CSMD3: variants seen among roughly 807,000 people sequenced by gnomAD.
CSMD3 encodes CUB and sushi domain-containing protein 3.
CSMD3 carries 177 observed loss-of-function variants against 435.2 expected under a neutral mutation model. The ratio of observed to expected loss-of-function variants is 0.41; its 90% confidence interval spans 0.36 to 0.46. The LOEUF (loss-of-function observed/expected upper bound fraction) is 0.46. Among genes scored for constraint, CSMD3 ranks in the 20% least tolerant of loss-of-function variants. The probability of loss-of-function intolerance (pLI) is 0.34; values close to 1 mark genes in which losing one functional copy is unlikely to be tolerated. For synonymous variants in CSMD3, 1,656 were observed against 1,520.5 expected (o/e 1.09, Z -2.07); for missense variants, 4,265 against 4,504.6 (o/e 0.95, Z 1.52).
intron 38 of CSMD3, among the ~76,000 whole-genome samples, chr8:112,359,713 G>C (rs1492676): frequency 0.2 from 31,051 of 151,910 alleles, 3,723 homozygotes; most frequent in East Asian, 0.4. Flanking sequence ...CAGGAGTAAA[G>C]TGGTCATTTG....
chr8:113,133,667 T>C (rs995590057), intron 4 of CSMD3, among the ~76,000 whole-genome samples: 5 of 152,050 alleles, frequency 3.3e-5, no homozygotes, highest in East Asian at 3.9e-4. Flanking sequence ...AGCCAAGATA[T>C]GGAAATGACT....
intron 49 of CSMD3, among the ~76,000 whole-genome samples, chr8:112,312,729 A>G (rs1342438453): frequency 6.6e-6 from 1 of 152,224 alleles, no homozygotes; most frequent in Non-Finnish European, 1.5e-5. Context: ...CTATCATCTC[A>G]GAGTTTTAAA....
At chr8:113,222,632 C>T (rs1408549076) in intron 3 of CSMD3, among the ~76,000 whole-genome samples, 1 of 151,002 alleles carries the variant, frequency 6.6e-6, no homozygotes, top group African/African-American at 2.4e-5. Context: ...TATTTTCAGA[C>T]AAATTATGTA....
At position 113,097,501 on chromosome 8, in the gene CSMD3, T is replaced by G. The variant is rs528160577; in HGVS notation, c.917+1255A>C. ...TCCAGGACTTATATGTTGTTAAGTC[T>G]CAGATTCAGTCCCAGTCTTCCTTTG... On this transcript the variant is annotated intron_variant, in intron 5 of 70. Transcript: ENST00000297405. 6.6e-4 allele frequency among the ~76,000 whole-genome samples: 101 copies of G among 152,132 alleles called. 1 individual carries two copies. Among genetic ancestry groups the G allele is most frequent in the African/African-American group, 2.4e-3 (98 of 41,544 alleles).
chr8:112,695,930 C>T (rs1231416452), intron 13 of CSMD3, among the ~76,000 whole-genome samples: 4 of 152,150 alleles, frequency 2.6e-5, no homozygotes, highest in Non-Finnish European at 4.4e-5. Flanking sequence ...CATTCTTATA[C>T]ACCAATAACA....
At chr8:112,420,958 T>C (rs894621956) in intron 32 of CSMD3, among the ~76,000 whole-genome samples, 4 of 152,134 alleles carry the variant, frequency 2.6e-5, no homozygotes, top group Non-Finnish European at 5.9e-5. Flanking sequence ...TGCCATGCCT[T>C]TTCTGCAGGC....
At chr8:112,454,254 G>A (rs1013297227) in intron 32 of CSMD3, among the ~76,000 whole-genome samples, 7 of 151,942 alleles carry the variant, frequency 4.6e-5, no homozygotes, top group Admixed American at 3.9e-4. Context: ...CAAGTAAGAC[G>A]TAATTAAACT....
At chr8:112,898,353 A>G (rs1473182997) in intron 10 of CSMD3, among the ~76,000 whole-genome samples, 1 of 151,136 alleles carries the variant, frequency 6.6e-6, no homozygotes, top group African/African-American at 2.4e-5. Flanking sequence ...GCATTCATAA[A>G]ATTTATCACA....
intron 16 of CSMD3, 89 bp from the exon 17 acceptor site, chr8:112,666,504 C>A (rs1489214032): frequency 2.7e-6 from 3 of 1,110,694 alleles, no homozygotes; most frequent in South Asian, 1.3e-5. Flanking sequence ...AAAAACAAGT[C>A]TCTGCATATC....
intron 5 of CSMD3, among the ~76,000 whole-genome samples, chr8:113,084,289 C>A (rs1319315414): frequency 2.0e-5 from 3 of 151,938 alleles, no homozygotes; most frequent in Non-Finnish European, 4.4e-5. Context: ...CAAAAATCAG[C>A]AGTATTTCTA....
At chr8:113,395,239 T>C (rs187273757) in intron 1 of CSMD3, among the ~76,000 whole-genome samples, 1 of 152,266 alleles carries the variant, frequency 6.6e-6, no homozygotes, top group African/African-American at 2.4e-5. Flanking sequence ...AATGAAACAG[T>C]AATGCTTCCA....
intron 16 of CSMD3, among the ~76,000 whole-genome samples, chr8:112,675,247 C>T (rs1267117955): frequency 6.6e-6 from 1 of 152,056 alleles, no homozygotes; most frequent in Non-Finnish European, 1.5e-5. Context: ...AAAATCATTT[C>T]GAGTATCCAC....
At chr8:112,420,691 A>AGCT (rs1285358548) in intron 32 of CSMD3, among the ~76,000 whole-genome samples, 3 of 152,176 alleles carry the variant, frequency 2.0e-5, no homozygotes, top group Non-Finnish European at 4.4e-5. Context: ...ACTGGCATCT[A>AGCT]GCTGTTGGTG....
intron 11 of CSMD3, among the ~76,000 whole-genome samples, chr8:112,836,646 T>C (rs2080033106): frequency 6.6e-6 from 1 of 151,854 alleles, no homozygotes; most frequent in Non-Finnish European, 1.5e-5. Flanking sequence ...CATCTCACAA[T>C]ACGTAGTTTG....
chr8:112,651,936 T>G (rs1035355511), intron 18 of CSMD3, among the ~76,000 whole-genome samples: 44 of 152,158 alleles, frequency 2.9e-4, no homozygotes, highest in African/African-American at 1.0e-3. Flanking sequence ...CATCATGTCA[T>G]GTATTATTTC....
At chr8:112,270,430 T>C (rs1267901578) in intron 59 of CSMD3, among the ~76,000 whole-genome samples, 1 of 148,082 alleles carries the variant, frequency 6.8e-6, no homozygotes, top group African/African-American at 2.5e-5. Flanking sequence ...TGAAAAGGTA[T>C]AGTTGCAAAT....
chr8:112,628,318 T>G (rs1834656348), intron 22 of CSMD3, among the ~76,000 whole-genome samples: 2 of 152,160 alleles, frequency 1.3e-5, no homozygotes. Context: ...TTTATAAATT[T>G]ATCTTTTTGT....
chr8:112,492,517 T>A lies in CSMD3; in HGVS notation c.5250A>T (p.Gly1750=). 1 of 1,613,994 alleles carries A rather than the reference T, an allele frequency of 6.2e-7. No homozygotes were observed. Among genetic ancestry groups the A allele is most frequent in the East Asian group, 2.2e-5 (1 of 44,838 alleles). Residue 1750 remains glycine (G), a synonymous_variant, in exon 31 of 71, where the codon GGA becomes GGT. Coordinates refer to ENST00000297405, the MANE Select transcript of CSMD3 (RefSeq NM_198123.2). The stretch of plus-strand genomic sequence containing the variant: ...GACAACTTGGCAAGGCTCTATTCCA[T>A]CCAGGTCTTCCATCATCTCCCATGA... ...TCIMGDDGRP[G]WNRALPSCHA...
intron 5 of CSMD3, among the ~76,000 whole-genome samples, chr8:113,096,310 A>G (rs1025476599): frequency 5.9e-5 from 9 of 152,170 alleles, no homozygotes; most frequent in African/African-American, 2.2e-4. Context: ...TCAGTTCTTC[A>G]GGTCAAATAA....
Sources: gnomAD v4.1 joint callset for allele counts (sites outside exome capture counted in the v4.1 genomes callset) on GRCh38, gnomAD v4.1.1 for gene constraint, MANE v1.5 for transcripts, NCBI Gene and HGNC (gene_info 2026-07-23, HGNC 2026-07-21) for gene names.